AGAP1: variants seen among roughly 807,000 people sequenced by gnomAD.
AGAP1 encodes the protein ArfGAP with GTPase domain, ankyrin repeat and PH domain 1.
AGAP1 carries 29 observed loss-of-function variants against 105.3 expected under a neutral mutation model. The observed-to-expected ratio is 0.28, with a 90% CI of 0.21 to 0.38. The LOEUF is 0.38. AGAP1 is among the 10% of genes least tolerant of loss of function. AGAP1 has a pLI of 1.00. For synonymous variants in AGAP1, 509 were observed against 485.9 expected (o/e 1.05, Z -0.63); for missense variants, 998 against 1,165.1 (o/e 0.86, Z 2.09).
rs936696433 is a variant in AGAP1 at position 236,096,562 on chromosome 2, G to A, written c.2115-23630G>A. Among the ~76,000 whole-genome samples the A allele has an allele frequency of 6.6e-6, 1 of 151,588 alleles. No homozygotes were observed. Among genetic ancestry groups the A allele is most frequent in the Non-Finnish European group, 1.5e-5 (1 of 67,918 alleles). ...TGGAATGCCAGTGCAGACAAATGAT[G>A]CAGTTTTATTTTTTATTTATTTTTT... On this transcript the variant is annotated intron_variant, in intron 16 of 17. Coordinates refer to ENST00000304032, the MANE Select transcript of AGAP1 (RefSeq NM_001037131.3). The surrounding 1 kb of genome is among the most constrained non-coding windows in gnomAD (Gnocchi z 4.4).
rs746186337 is a variant in AGAP1 at position 236,120,463 on chromosome 2, G to A, written c.2370+16G>A. ...CCTGATCTGGGTAGGTGGTCGGCACGCCTGGCAGAGGACGGGGCCACAGGA... is the reference window on the plus strand; with the variant it reads ...CCTGATCTGGGTAGGTGGTCGGCACACCTGGCAGAGGACGGGGCCACAGGA... On this transcript the variant is annotated intron_variant, in intron 17 of 17. Coordinates refer to ENST00000304032, the MANE Select transcript of AGAP1 (RefSeq NM_001037131.3). The surrounding 1 kb of genome is among the most constrained non-coding windows in gnomAD (Gnocchi z 6.0). 14 of 1,610,822 alleles carry A rather than the reference G, an allele frequency of 8.7e-6. No homozygotes were observed. The highest frequency in any genetic ancestry group is 2.1e-4 in the Middle Eastern group (1 of 4,808).
intron 9 of AGAP1, among the ~76,000 whole-genome samples, chr2:235,812,094 G>C (rs576746414): frequency 6.6e-6 from 1 of 152,276 alleles, no homozygotes; most frequent in Admixed American, 6.5e-5. Flanking sequence ...CGCTGCGGGG[G>C]ACCCTCCATC....
intron 1 of AGAP1, among the ~76,000 whole-genome samples, chr2:235,509,200 C>T (rs944007723): frequency 6.6e-6 from 1 of 151,978 alleles, no homozygotes; most frequent in African/African-American, 2.4e-5. Flanking sequence ...TTTTGTCTAT[C>T]TGTTTAGAGA....
chr2:235,581,302 C>T (rs567150135), intron 1 of AGAP1, among the ~76,000 whole-genome samples: 4 of 149,320 alleles, frequency 2.7e-5, no homozygotes, highest in South Asian at 2.1e-4. Context: ...AGCGAAACTC[C>T]GTCTCAAAAA....
At chr2:235,767,296 G>A (rs1048302567) in intron 6 of AGAP1, among the ~76,000 whole-genome samples, 1 of 152,150 alleles carries the variant, frequency 6.6e-6, no homozygotes, top group Non-Finnish European at 1.5e-5. Flanking sequence ...GAGTTTCTCT[G>A]GCTTGAGTGA....
At chr2:236,029,657 G>T (rs1411353714) in intron 13 of AGAP1, among the ~76,000 whole-genome samples, 1 of 151,892 alleles carries the variant, frequency 6.6e-6, no homozygotes, top group Non-Finnish European at 1.5e-5. Flanking sequence ...TGTTTTTGCA[G>T]AAAAATATAT....
chr2:236,069,429 T>TTG (rs1399057228), intron 16 of AGAP1, among the ~76,000 whole-genome samples: 1 of 152,176 alleles, frequency 6.6e-6, no homozygotes, highest in Non-Finnish European at 1.5e-5. Flanking sequence ...CAGTGCAACT[T>TTG]TGTTTTTCTT....
At chr2:235,819,670 C>T (rs557668340) in intron 9 of AGAP1, among the ~76,000 whole-genome samples, 7 of 152,080 alleles carry the variant, frequency 4.6e-5, no homozygotes, top group Non-Finnish European at 7.4e-5. Flanking sequence ...TTCTTTCCTC[C>T]GATGCCCGTC....
At chr2:235,914,503 G>T (rs1014177548) in intron 11 of AGAP1, among the ~76,000 whole-genome samples, 10 of 152,168 alleles carry the variant, frequency 6.6e-5, no homozygotes, top group Non-Finnish European at 8.8e-5. Flanking sequence ...TACCTGGAGG[G>T]GCTCGGGGGT....
In AGAP1 at chr2:235,979,455, T is replaced by C. The variant is rs189540477; in HGVS notation, c.1645+10832T>C. Among the ~76,000 whole-genome samples the C allele has an allele frequency of 2.2e-3, 340 of 152,344 alleles. 1 individual carries two copies. The highest frequency in any genetic ancestry group is 7.6e-3 in the African/African-American group (314 of 41,576). On this transcript the variant is annotated intron_variant, in intron 13 of 17. Coordinates refer to ENST00000304032, the MANE Select transcript of AGAP1 (RefSeq NM_001037131.3). The surrounding 1 kb of genome is among the most constrained non-coding windows in gnomAD (Gnocchi z 4.5). Reference sequence around the variant, plus strand: ...CGCTCATTTTATCAAGATGTATTAATGCTTTGGAGAAGGTGTAGTTGAGAT... The same window carrying C: ...CGCTCATTTTATCAAGATGTATTAACGCTTTGGAGAAGGTGTAGTTGAGAT...
At position 235,663,821 on chromosome 2, in the gene AGAP1, C is replaced by T. The variant is rs1398669211; in HGVS notation, c.164-45358C>T. 3.3e-5 allele frequency among the ~76,000 whole-genome samples: 5 copies of T among 152,100 alleles called. No individual in the cohort carries two copies. The highest frequency in any genetic ancestry group is 9.7e-5 in the African/African-American group (4 of 41,420). On this transcript the variant is annotated intron_variant, in intron 1 of 17. Transcript: ENST00000304032. This position sits in a 1 kb window ranked among gnomAD's most constrained non-coding sequence, Gnocchi z 5.4. ...TGCATGAAGACCATCGTACAGATGG[C>T]GATATTAGAAGAGTTCCCTCCCGTG...
Position 235,535,431 on chromosome 2 carries a change from G to T in AGAP1, c.163+40582G>T, listed in dbSNP as rs1156421269. On this transcript the variant is annotated intron_variant, in intron 1 of 17. Transcript: ENST00000304032. This position sits in a 1 kb window ranked among gnomAD's most constrained non-coding sequence, Gnocchi z 5.1. ...TACTAAATGAAATTAGAACTTCACT[G>T]CCCTTTTTCTTTTTCCCATCGAGGT... Among the ~76,000 whole-genome samples the T allele has an allele frequency of 2.6e-5, 4 of 151,822 alleles. No individual in the cohort carries two copies. Among genetic ancestry groups the T allele is most frequent in the African/African-American group, 7.3e-5 (3 of 41,282 alleles).
intron 6 of AGAP1, among the ~76,000 whole-genome samples, chr2:235,759,884 T>A (rs1954290953): frequency 6.6e-6 from 1 of 152,248 alleles, no homozygotes; most frequent in Admixed American, 6.5e-5. Context: ...AAGCTTTTTG[T>A]ATAGTAAACC....
chr2:235,667,413 G>C (rs1575073208), intron 1 of AGAP1, among the ~76,000 whole-genome samples: 1 of 152,030 alleles, frequency 6.6e-6, no homozygotes, highest in East Asian at 1.9e-4. Context: ...GTTTACTTTG[G>C]TCTTTGTTAT....
intron 13 of AGAP1, among the ~76,000 whole-genome samples, chr2:235,996,245 G>A (rs1343794844): frequency 6.6e-6 from 1 of 152,156 alleles, no homozygotes; most frequent in African/African-American, 2.4e-5. Flanking sequence ...GCTGCCAGCA[G>A]GGCACCCGCT....
intron 1 of AGAP1, among the ~76,000 whole-genome samples, chr2:235,647,268 A>T (rs1269598645): frequency 6.6e-6 from 1 of 150,690 alleles, no homozygotes; most frequent in Admixed American, 6.7e-5. Context: ...TAACAATGTG[A>T]TCACAGTCTG....
chr2:236,122,130 T>C (rs985465752), intron 17 of AGAP1, among the ~76,000 whole-genome samples: 2 of 151,944 alleles, frequency 1.3e-5, no homozygotes, highest in African/African-American at 4.8e-5. Context: ...TTTTAAAAAA[T>C]TTTGTAGACT....
rs182163679 is a variant in AGAP1 at position 235,750,457 on chromosome 2, C to T, written c.642C>T (p.Tyr214=). 2.0e-5 allele frequency: 32 copies of T among 1,614,194 alleles called. No homozygotes were observed. Among genetic ancestry groups the T allele is most frequent in the Admixed American group, 1.7e-4 (10 of 60,024 alleles). The part of the protein sequence containing the change: ...RCTYYETCAT[Y]GLNVERVFQD... The stretch of plus-strand genomic sequence containing the variant: ...CGTACTACGAGACGTGTGCTACATA[C>T]GGGCTGAATGTGGAGAGGGTCTTCC... Residue 214 remains tyrosine (Y), a synonymous_variant, in exon 6 of 18, where the codon TAC becomes TAT. Coordinates refer to ENST00000304032, the MANE Select transcript of AGAP1 (RefSeq NM_001037131.3). The surrounding 1 kb of genome is among the most constrained non-coding windows in gnomAD (Gnocchi z 5.3).
intron 1 of AGAP1, among the ~76,000 whole-genome samples, chr2:235,657,607 C>T (rs1410685694): frequency 6.6e-6 from 1 of 152,160 alleles, no homozygotes; most frequent in Non-Finnish European, 1.5e-5. Flanking sequence ...GTCTCGAACT[C>T]CTGACCTCAG....
Sources: gnomAD v4.1 joint callset for allele counts (sites outside exome capture counted in the v4.1 genomes callset) on GRCh38, gnomAD v4.1.1 for gene constraint, Gnocchi (gnomAD v3.1) non-coding constraint, MANE v1.5 for transcripts, NCBI Gene and HGNC (gene_info 2026-07-23, HGNC 2026-07-21) for gene names.